The following MYO1D variants were observed in gnomAD, a reference collection of about 807,000 sequenced individuals.
MYO1D encodes the protein unconventional myosin-Id.
In MYO1D, 83 loss-of-function variants were observed where a neutral mutation model predicts 122.0. The observed-to-expected ratio is 0.68, with a 90% confidence interval of 0.57 to 0.82. MYO1D has a LOEUF of 0.82. Ranked by LOEUF, MYO1D falls within the 40% of genes least tolerant of loss-of-function variation. The probability of loss-of-function intolerance (pLI) is 0.00; values close to 1 mark genes in which losing one functional copy is unlikely to be tolerated. For missense variants in MYO1D, 1,157 were observed against 1,269.5 expected (o/e 0.91, Z 1.35); for synonymous variants, 464 against 446.9 (o/e 1.04, Z -0.48).
intron 21 of MYO1D, among the ~76,000 whole-genome samples, chr17:32,534,680 C>T (rs1031075657): frequency 2.6e-5 from 4 of 152,116 alleles, no homozygotes; most frequent in East Asian, 1.9e-4. Flanking sequence ...AAGAGTGCGG[C>T]GGAAGCTTCT....
At chr17:32,596,274 A>T (rs1338464311) in intron 21 of MYO1D, among the ~76,000 whole-genome samples, 1 of 152,226 alleles carries the variant, frequency 6.6e-6, no homozygotes, top group Non-Finnish European at 1.5e-5. Flanking sequence ...GCAGTCTGGG[A>T]ACATAGATCA....
chr17:32,591,684 C>A (rs935956201), intron 21 of MYO1D, among the ~76,000 whole-genome samples: 13 of 151,860 alleles, frequency 8.6e-5, no homozygotes, highest in African/African-American at 2.9e-4. Context: ...AACAAACCTA[C>A]TTTCATCGCA....
chr17:32,655,532 G>A (rs529403256), intron 17 of MYO1D, among the ~76,000 whole-genome samples: 9 of 152,282 alleles, frequency 5.9e-5, no homozygotes, highest in South Asian at 2.1e-4. Context: ...CCTACAGGCC[G>A]TGAGGGAGCT....
At chr17:32,591,403 C>A (rs536929765) in intron 21 of MYO1D, among the ~76,000 whole-genome samples, 7 of 152,256 alleles carry the variant, frequency 4.6e-5, no homozygotes, top group East Asian at 1.9e-4. Flanking sequence ...GCCCTCACTG[C>A]GAACTTCTTA....
chr17:32,698,643 C>G (rs902295726), intron 16 of MYO1D, among the ~76,000 whole-genome samples: 18 of 152,098 alleles, frequency 1.2e-4, no homozygotes, highest in African/African-American at 4.3e-4. Context: ...TTTCTTTTGG[C>G]TGGTTTACAA....
chr17:32,802,852 A>C (rs535541875), intron 1 of MYO1D, among the ~76,000 whole-genome samples: 2 of 152,354 alleles, frequency 1.3e-5, no homozygotes, highest in South Asian at 4.1e-4. Context: ...TTTGTTCTTC[A>C]AATGATGCTT....
rs557305966 is a variant in MYO1D, at chr17:32,708,910, A to C, written c.2121+3078T>G. 3.9e-5 allele frequency among the ~76,000 whole-genome samples: 6 copies of C among 152,308 alleles called. No individual in the cohort carries two copies. In the South Asian group the frequency reaches 1.2e-3, roughly 32 times the overall value. On this transcript the variant is annotated intron_variant, in intron 16 of 21. Coordinates refer to ENST00000318217, the MANE Select transcript of MYO1D (RefSeq NM_015194.3). ...AAAAAAAGCAGAGGTAGGGACTGGTAATGGCACCCTGCATTTCTAGAAGCA... is the reference window on the plus strand; with the variant it reads ...AAAAAAAGCAGAGGTAGGGACTGGTCATGGCACCCTGCATTTCTAGAAGCA...
At chr17:32,507,266 T>C (rs1226012557) in intron 21 of MYO1D, among the ~76,000 whole-genome samples, 1 of 151,064 alleles carries the variant, frequency 6.6e-6, no homozygotes, top group Admixed American at 6.6e-5. Flanking sequence ...TAGCCAGGTG[T>C]GGTGGCAGAC....
intron 21 of MYO1D, among the ~76,000 whole-genome samples, chr17:32,573,253 C>A (rs1389579055): frequency 6.6e-6 from 1 of 152,152 alleles, no homozygotes; most frequent in Non-Finnish European, 1.5e-5. Context: ...TTGGAACTTA[C>A]AATTGTTTTT....
chr17:32,608,256 T>C (rs532985732), intron 20 of MYO1D, among the ~76,000 whole-genome samples: 7 of 152,332 alleles, frequency 4.6e-5, no homozygotes, highest in African/African-American at 1.7e-4. Context: ...GACTTGTATT[T>C]AGAATCTATA....
rs759335131 is a variant in MYO1D, at chr17:32,712,204, A to G, written c.1914-9T>C. The stretch of plus-strand genomic sequence containing the variant: ...CAGAGATCATCTTATACCTGGATGA[A>G]AAAAAGAAACAGGGTTAAGGGAGAA... On this transcript the variant is annotated splice_polypyrimidine_tract_variant and intron_variant, in intron 15 of 21. Coordinates refer to ENST00000318217, the MANE Select transcript of MYO1D (RefSeq NM_015194.3). 1 of 1,607,242 alleles carries G rather than the reference A, an allele frequency of 6.2e-7. No homozygotes were observed. Among genetic ancestry groups the G allele is most frequent in the Non-Finnish European group, 8.5e-7 (1 of 1,174,454 alleles).
At chr17:32,818,452 G>A (rs1448101297) in intron 1 of MYO1D, among the ~76,000 whole-genome samples, 2 of 152,206 alleles carry the variant, frequency 1.3e-5, no homozygotes, top group African/African-American at 4.8e-5. Flanking sequence ...CTGCAACGGA[G>A]GCAGATGCTC....
chr17:32,548,652 A>G (rs225200), intron 21 of MYO1D, among the ~76,000 whole-genome samples: 73,559 of 151,528 alleles, frequency 0.49, 18,140 homozygotes, highest in East Asian at 0.54. Context: ...ATGGGACACC[A>G]ATGAGGGGAG....
intron 21 of MYO1D, among the ~76,000 whole-genome samples, chr17:32,506,168 C>A (rs1460134675): frequency 6.6e-6 from 1 of 152,204 alleles, no homozygotes; most frequent in Non-Finnish European, 1.5e-5. Context: ...AGGAAAGAGA[C>A]TGAATCTAGA....
intron 17 of MYO1D, among the ~76,000 whole-genome samples, chr17:32,656,311 G>GA (rs2150951767): frequency 6.6e-6 from 1 of 152,256 alleles, no homozygotes; most frequent in South Asian, 2.1e-4. Context: ...AACAACACCA[G>GA]AAAATGGGAA....
intron 14 of MYO1D, among the ~76,000 whole-genome samples, chr17:32,731,063 C>T (rs1451560732): frequency 6.6e-6 from 1 of 152,134 alleles, no homozygotes; most frequent in African/African-American, 2.4e-5. Context: ...CATGCCACCA[C>T]ACCTGGCTAA....
At chr17:32,501,503 T>C (rs1909317283) in intron 21 of MYO1D, among the ~76,000 whole-genome samples, 1 of 152,178 alleles carries the variant, frequency 6.6e-6, no homozygotes, top group South Asian at 2.1e-4. Context: ...TGGGTTTAGA[T>C]CAGTCCCTTT....
chr17:32,625,271 A>G (rs1447841943), intron 20 of MYO1D, among the ~76,000 whole-genome samples: 1 of 151,678 alleles, frequency 6.6e-6, no homozygotes. Flanking sequence ...TAAATAGATA[A>G]ATAAAGAAAA....
intron 16 of MYO1D, among the ~76,000 whole-genome samples, chr17:32,663,786 T>C (rs1163787392): frequency 6.6e-6 from 1 of 152,210 alleles, no homozygotes; most frequent in Non-Finnish European, 1.5e-5. Context: ...TTATACTGAA[T>C]GTAGCACCTT....
Sources: allele counts gnomAD v4.1 joint callset (sites outside exome capture counted in the v4.1 genomes callset), GRCh38; gene constraint gnomAD v4.1.1; transcripts MANE v1.5; gene names NCBI Gene and HGNC (gene_info 2026-07-23, HGNC 2026-07-21).